Variants in KIF3B observed in about 807,000 individuals in gnomAD.
KIF3B encodes kinesin family member 3B.
Under a neutral mutation model 74.3 loss-of-function variants are expected in KIF3B, and 38 were observed. That is an observed-to-expected ratio of 0.51 (90% confidence interval 0.39 to 0.67). KIF3B has a LOEUF of 0.67. Ranked by LOEUF, KIF3B falls within the 30% of genes least tolerant of loss-of-function variation. KIF3B has a pLI of 0.00. For missense variants in KIF3B, 649 were observed against 932.0 expected (o/e 0.70, Z 3.95); for synonymous variants, 326 against 342.5 (o/e 0.95, Z 0.53).
chr20:32,278,617 C>CTAG (rs1569183784), intron 1 of KIF3B, among the ~76,000 whole-genome samples: 1 of 152,122 alleles, frequency 6.6e-6, no homozygotes. Flanking sequence ...GGAGGTACTT[C>CTAG]TACAAGTAGT....
At chr20:32,292,538 G>A (rs1217319496) in intron 1 of KIF3B, among the ~76,000 whole-genome samples, 1 of 135,350 alleles carries the variant, frequency 7.4e-6, no homozygotes, top group Admixed American at 8.2e-5. Context: ...AGGTGTTTGA[G>A]ACCAGCCTGG....
At position 32,310,725 on chromosome 20, in the gene KIF3B, C is replaced by T. The variant is rs770050329; in HGVS notation, c.948C>T (p.Asn316=). Residue 316 remains asparagine (N), a synonymous_variant, in exon 2 of 9, where the codon AAC becomes AAT. Coordinates refer to ENST00000375712, the MANE Select transcript of KIF3B (RefSeq NM_004798.4). This position sits in a 1 kb window ranked among gnomAD's most constrained non-coding sequence, Gnocchi z 6.5. ...GGNAKTVMVA[N]VGPASYNVEE... ...ATGCCAAGACTGTGATGGTGGCCAACGTGGGGCCTGCCTCTTACAACGTAG... is the reference window on the plus strand; with the variant it reads ...ATGCCAAGACTGTGATGGTGGCCAATGTGGGGCCTGCCTCTTACAACGTAG... 1.3e-5 allele frequency: 21 copies of T among 1,614,030 alleles called. No individual in the cohort carries two copies. Among genetic ancestry groups the T allele is most frequent in the Middle Eastern group, 1.6e-4 (1 of 6,084 alleles).
intron 5 of KIF3B, among the ~76,000 whole-genome samples, chr20:32,319,230 G>A (rs2047844494): frequency 6.6e-6 from 1 of 152,032 alleles, no homozygotes; most frequent in Non-Finnish European, 1.5e-5. Flanking sequence ...CAAAGTGCTA[G>A]GATTACAAGT....
At chr20:32,299,379 G>GTGTATATATATATATA (rs1187264463) in intron 1 of KIF3B, among the ~76,000 whole-genome samples, 20 of 23,092 alleles carry the variant, frequency 8.7e-4, no homozygotes, top group African/African-American at 3.0e-3. Flanking sequence ...TGGTGTGTGT[G>GTGTATATATATATATA]TATATATATA....
At chr20:32,314,464 T>TGGGAGGCAGAGGTTGCA (rs2047817196) in intron 2 of KIF3B, among the ~76,000 whole-genome samples, 1 of 151,620 alleles carries the variant, frequency 6.6e-6, no homozygotes, top group Non-Finnish European at 1.5e-5. Context: ...TGCTTGAACC[T>TGGGAGGCAGAGGTTGCA]GGGAGGCAGA....
Position 32,309,846 on chromosome 20 carries a change from A to G in KIF3B, c.69A>G (p.Glu23=). ...VVRCRPMNGK[E]KAASYDKVVD... ...GCTGTCGGCCCATGAATGGCAAGGAAAAGGCTGCTTCGTATGACAAAGTGG... is the reference window on the plus strand; with the variant it reads ...GCTGTCGGCCCATGAATGGCAAGGAGAAGGCTGCTTCGTATGACAAAGTGG... Residue 23 remains glutamate (E), a synonymous_variant, in exon 2 of 9, where the codon GAA becomes GAG. Coordinates refer to ENST00000375712, the MANE Select transcript of KIF3B (RefSeq NM_004798.4). The G allele has an allele frequency of 2.5e-6, 4 of 1,614,166 alleles. No individual in the cohort carries two copies. Among genetic ancestry groups the G allele is most frequent in the Non-Finnish European group, 3.4e-6 (4 of 1,180,022 alleles).
intron 1 of KIF3B, among the ~76,000 whole-genome samples, chr20:32,303,857 CAAAAA>C (rs33920293): frequency 1.7e-5 from 2 of 120,356 alleles, no homozygotes; most frequent in Admixed American, 8.4e-5. Context: ...CTCAGTCTCA[CAAAAA>C]AAAAAAAAAA....
intron 1 of KIF3B, among the ~76,000 whole-genome samples, chr20:32,288,238 C>T (rs1390405429): frequency 6.6e-6 from 1 of 151,926 alleles, no homozygotes; most frequent in African/African-American, 2.4e-5. Flanking sequence ...CCTGTAATCC[C>T]AGCACTTTGG....
In KIF3B at chr20:32,299,792, T is replaced by G. The variant is rs570694892; in HGVS notation, c.-65-9921T>G. ...GATGTCTAGGTTGTTTCTAGATTTTTTTTGTTTGTTTTTTGGGACAGGGTC... is the reference window on the plus strand; with the variant it reads ...GATGTCTAGGTTGTTTCTAGATTTTGTTTGTTTGTTTTTTGGGACAGGGTC... On this transcript the variant is annotated intron_variant, in intron 1 of 8. Coordinates refer to ENST00000375712, the MANE Select transcript of KIF3B (RefSeq NM_004798.4). Among the ~76,000 whole-genome samples, 155 of 152,188 alleles carry G rather than the reference T, an allele frequency of 1.0e-3. 4 individuals are homozygous for G. The South Asian group carries it at 0.031, about 31-fold the overall frequency.
chr20:32,296,714 G>T (rs1328524976), intron 1 of KIF3B, among the ~76,000 whole-genome samples: 2 of 152,168 alleles, frequency 1.3e-5, no homozygotes, highest in Non-Finnish European at 2.9e-5. Flanking sequence ...TGGTTCTTGT[G>T]AATTCTTTCA....
chr20:32,329,942 A>C (rs1600441678), intron 7 of KIF3B, among the ~76,000 whole-genome samples, 199 bp from the exon 8 acceptor site: 1 of 152,224 alleles, frequency 6.6e-6, no homozygotes, highest in Non-Finnish European at 1.5e-5. Flanking sequence ...GAGTTATTTA[A>C]AAGAAAGAAA....
At chr20:32,299,389 A>G (rs1171483132) in intron 1 of KIF3B, among the ~76,000 whole-genome samples, 2 of 33,750 alleles carry the variant, frequency 5.9e-5, no homozygotes, top group Non-Finnish European at 9.8e-5. Context: ...GTATATATAT[A>G]TATATATATA....
At chr20:32,287,346 G>A (rs2047671914) in intron 1 of KIF3B, among the ~76,000 whole-genome samples, 1 of 150,802 alleles carries the variant, frequency 6.6e-6, no homozygotes, top group Non-Finnish European at 1.5e-5. Flanking sequence ...TTTTGAGATA[G>A]GGTGTCGCTC....
chr20:32,285,815 C>T (rs1394612422), intron 1 of KIF3B, among the ~76,000 whole-genome samples: 1 of 152,050 alleles, frequency 6.6e-6, no homozygotes, highest in Non-Finnish European at 1.5e-5. Context: ...GCTTTTAGAG[C>T]GTATTTCTTG....
chr20:32,306,049 G>A (rs781617687), intron 1 of KIF3B, among the ~76,000 whole-genome samples: 4 of 147,230 alleles, frequency 2.7e-5, no homozygotes, highest in Non-Finnish European at 5.9e-5. Context: ...TCACGCCATT[G>A]CACTCCAGCC....
chr20:32,278,042 G>A (rs2122647051), intron 1 of KIF3B, among the ~76,000 whole-genome samples: 1 of 152,324 alleles, frequency 6.6e-6, no homozygotes, highest in South Asian at 2.1e-4. Flanking sequence ...TGGGAGGAGG[G>A]CGGGGAAGCG....
intron 1 of KIF3B, among the ~76,000 whole-genome samples, chr20:32,289,225 G>C (rs891201881): frequency 1.4e-5 from 2 of 141,184 alleles, no homozygotes; most frequent in Non-Finnish European, 3.0e-5. Context: ...TTGAAATGGA[G>C]TCTCAGTCAC....
chr20:32,306,046 A>G (rs1448275207), intron 1 of KIF3B, among the ~76,000 whole-genome samples: 1 of 149,008 alleles, frequency 6.7e-6, no homozygotes, highest in African/African-American at 2.5e-5. Flanking sequence ...AGATCACGCC[A>G]TTGCACTCCA....
rs565907125 is a variant in KIF3B at position 32,331,243 on chromosome 20, C to T, written c.2168C>T (p.Ser723Leu). ...SKARPKSGRK[S>L]GSSSSSSGTP... ...TGCAGGCCTAAAAGTGGAAGGAAGT[C>T]GGGATCCTCCTCCTCTTCCTCAGGA... is the stretch of plus-strand genomic sequence containing the variant. The change falls in exon 9 of 9, where the codon TCG becomes TTG. Residue 723 changes from serine (S) to leucine (L), a missense_variant. Around this residue, in one of 4 missense-constraint regions of KIF3B, gnomAD observed 186 missense variants for 198.5 expected, o/e 0.94. Transcript: ENST00000375712. The T allele has an allele frequency of 1.2e-5, 20 of 1,613,362 alleles. No homozygotes were observed. The highest frequency in any genetic ancestry group is 1.1e-4 in the East Asian group (5 of 44,820).
Sources: allele counts gnomAD v4.1 joint callset (sites outside exome capture counted in the v4.1 genomes callset), GRCh38; gene constraint gnomAD v4.1.1; regional missense constraint gnomAD v4.1.1; non-coding constraint Gnocchi (gnomAD v3.1); transcripts MANE v1.5; gene names NCBI Gene and HGNC (gene_info 2026-07-23, HGNC 2026-07-21).